ZNF512B: variants seen among roughly 807,000 people sequenced by gnomAD.
ZNF512B encodes the protein zinc finger protein 512B.
In ZNF512B, 22 loss-of-function variants were observed where a neutral mutation model predicts 87.8. That is an observed-to-expected ratio of 0.25 (90% CI 0.18 to 0.36). The LOEUF is 0.36. Ranked by LOEUF, ZNF512B falls within the 10% of genes least tolerant of loss-of-function variation. The pLI is 1.00. For missense variants in ZNF512B, 1,060 were observed against 1,231.6 expected (o/e 0.86, Z 2.09); for synonymous variants, 524 against 490.9 (o/e 1.07, Z -0.89).
Position 63,966,366 on chromosome 20 carries a change from A to G in ZNF512B, c.809T>C (p.Val270Ala). ...TACCGTAATGGGTTTGGTGACAGGT[A>G]CGGGTTTGGTGACCGGCACAGACTT... is the stretch of plus-strand genomic sequence containing the variant. ...VTKSVPVTKPVPVTKPITVTK... is the reference protein window; with the variant it reads ...VTKSVPVTKPAPVTKPITVTK... The change falls in exon 5 of 17, where the codon GTA becomes GCA. Residue 270 changes from valine (V) to alanine (A), a missense_variant. Around this residue, in one of 9 missense-constraint regions of ZNF512B, gnomAD observed 201 missense variants for 226.8 expected, o/e 0.89. Coordinates refer to ENST00000369888, the MANE Select transcript of ZNF512B (RefSeq NM_020713.3). The G allele has an allele frequency of 1.3e-6, 2 of 1,593,798 alleles. No homozygotes were observed. Among genetic ancestry groups the G allele is most frequent in the African/African-American group, 2.7e-5 (2 of 74,210 alleles).
intron 3 of ZNF512B, 135 bp from the exon 4 acceptor site, chr20:63,967,139 G>A: frequency 7.2e-7 from 1 of 1,394,380 alleles, no homozygotes; most frequent in Non-Finnish European, 9.7e-7. Context: ...GGACTGCAGT[G>A]GGAATTCAAG....
intron 12 of ZNF512B, 64 bp from the exon 13 acceptor site, chr20:63,962,845 G>A (rs908251189): frequency 1.8e-5 from 26 of 1,466,098 alleles, no homozygotes; most frequent in East Asian, 2.4e-5. Flanking sequence ...GTCAGCGCGC[G>A]GCGAGGCCAC....
chr20:63,962,167 G>T, intron 14 of ZNF512B, 106 bp downstream of exon 14: 2 of 1,345,368 alleles, frequency 1.5e-6, no homozygotes, highest in African/African-American at 1.4e-5. Context: ...GGGTGGGCTT[G>T]GGCACCTCCT....
rs1205241933 is a variant in ZNF512B, at chr20:63,956,718, T to A, written c.*3170A>T. 1 of 187,850 alleles carries A rather than the reference T, an allele frequency of 5.3e-6. No individual in the cohort carries two copies. The highest frequency in any genetic ancestry group is 6.2e-5 in the Admixed American group (1 of 16,192). The allele number at this position is 187,850 out of a possible 1,614,324, so 11.6% of individuals were successfully genotyped here. A position where few individuals can be genotyped will look rare whatever the true frequency, so the allele number is the denominator to read the frequency against. ...CACAAAAACCCTGGAAAAAAATCAA[T>A]AAACATTTATTTGATACAGTCATTT... is the stretch of plus-strand genomic sequence containing the variant. On this transcript the variant is annotated 3_prime_UTR_variant, in exon 17 of 17. Transcript: ENST00000369888.
In ZNF512B at chr20:63,963,836, G is replaced by T; in HGVS notation, c.1558C>A (p.Arg520=). The part of the protein sequence containing the change: ...AVCPTCNVVT[R]KTLVGLKKHM... ...TTCTTAAGCCCCACGAGAGTCTTCC[G>T]GGTGACCACGTTGCAGGTGGGGCAG... Residue 520 remains arginine, a synonymous_variant, in exon 9 of 17, where the codon CGG becomes AGG. Transcript: ENST00000369888. 6.2e-7 allele frequency: 1 copy of T among 1,612,806 alleles called. No individual in the cohort carries two copies. The highest frequency in any genetic ancestry group is 1.1e-5 in the South Asian group (1 of 91,080).
At position 63,963,791 on chromosome 20, in the gene ZNF512B, T is replaced by G. The variant is rs1384922630; in HGVS notation, c.1603A>C (p.Lys535Gln). Reference sequence around the variant, plus strand: ...GCGCCTTCCGGGAGCTGCCTTACCTTCTGACACACCTCCATGTGCTTCTTA... The same window carrying G: ...GCGCCTTCCGGGAGCTGCCTTACCTGCTGACACACCTCCATGTGCTTCTTA... Reference protein sequence around the residue: ...GLKKHMEVCQKLQDALKCQHC... With the variant: ...GLKKHMEVCQQLQDALKCQHC... The change falls in exon 9 of 17, where the codon AAG (lysine) becomes CAG (glutamine). Residue 535 changes from lysine (K) to glutamine (Q), a missense_variant and splice_region_variant. Around this residue, in one of 9 missense-constraint regions of ZNF512B, gnomAD observed 37 missense variants for 72.6 expected, o/e 0.51. Transcript: ENST00000369888. 2 of 1,612,810 alleles carry G rather than the reference T, an allele frequency of 1.2e-6. No individual in the cohort carries two copies. The highest frequency in any genetic ancestry group is 2.7e-5 in the African/African-American group (2 of 74,932).
At position 63,969,890 on chromosome 20, in the gene ZNF512B, G is replaced by C. The variant is rs912484667; in HGVS notation, c.-79C>G. On this transcript the variant is annotated 5_prime_UTR_variant, in exon 1 of 17. Coordinates refer to ENST00000369888, the MANE Select transcript of ZNF512B (RefSeq NM_020713.3). ...GCGCGGGGCGCGGGGCGCTGGGTCC[G>C]GGCGGCGCAGGCTGCGCGCCGCGCT... 2.7e-5 allele frequency: 4 copies of C among 146,260 alleles called. No individual in the cohort carries two copies. Among genetic ancestry groups the C allele is most frequent in the South Asian group, 2.1e-4 (1 of 4,844 alleles). 9.1% of individuals were successfully genotyped at this position (146,260 alleles called of 1,614,324 possible). A position where few individuals can be genotyped will look rare whatever the true frequency, so the allele number is the denominator to read the frequency against.
rs781353442 is a variant in ZNF512B at position 63,962,822 on chromosome 20, G to A, written c.1969-41C>T. The A allele has an allele frequency of 3.2e-6, 5 of 1,542,634 alleles. No individual in the cohort carries two copies. The South Asian group carries it at 4.8e-5, about 15-fold the overall frequency. ...GCATGGAGGCTAGAGTGAGCCGCGG[G>A]AGCAAGAGTCAGGTCAGCGCGCGGC... On this transcript the variant is annotated intron_variant, in intron 12 of 16. Transcript: ENST00000369888.
Position 63,957,850 on chromosome 20 carries a change from G to A in ZNF512B, c.*2038C>T, listed in dbSNP as rs1301979929. The A allele has an allele frequency of 7.7e-6, 1 of 129,996 alleles. No homozygotes were observed. Among genetic ancestry groups the A allele is most frequent in the African/African-American group, 3.0e-5 (1 of 33,232 alleles). The allele number at this position is 129,996 out of a possible 1,614,324, so 8.1% of individuals were successfully genotyped here. A position where few individuals can be genotyped will look rare whatever the true frequency, so the allele number is the denominator to read the frequency against. On this transcript the variant is annotated 3_prime_UTR_variant, in exon 17 of 17. Transcript: ENST00000369888. ...CTCCCCTCCCCTCCCCTCCCCTCATGAGGCTGCCCCAGCAGCAGCTGCCAG... is the reference window on the plus strand; with the variant it reads ...CTCCCCTCCCCTCCCCTCCCCTCATAAGGCTGCCCCAGCAGCAGCTGCCAG...
intron 16 of ZNF512B, among the ~76,000 whole-genome samples, chr20:63,960,633 C>A (rs1299251465): frequency 9.7e-5 from 11 of 113,464 alleles, no homozygotes; most frequent in South Asian, 9.4e-4. Context: ...AGGCACCTGC[C>A]GCAGGGCTGG....
chr20:63,962,700 G>A lies in ZNF512B; in HGVS notation c.2050C>T (p.Arg684Cys). Residue 684 changes from arginine (R) to cysteine (C), a missense_variant, in exon 13 of 17, where the codon CGC becomes TGC. Coordinates refer to ENST00000369888, the MANE Select transcript of ZNF512B (RefSeq NM_020713.3). ...AACACCGCCACCTGGGCCGACGTGC[G>A]GCGGACACGCCCGCTTGGGGTCCGC... Reference protein sequence around the residue: ...VERTPSGRVRRTSAQVAVFHL... With the variant: ...VERTPSGRVRCTSAQVAVFHL... 1 of 1,602,922 alleles carries A rather than the reference G, an allele frequency of 6.2e-7. No homozygotes were observed. The highest frequency in any genetic ancestry group is 8.5e-7 in the Non-Finnish European group (1 of 1,176,324).
At position 63,963,824 on chromosome 20, in the gene ZNF512B, CGA is replaced by C. The variant is rs2058887351; in HGVS notation, c.1568_1569del (p.Leu523ArgfsTer4). On this transcript the variant is annotated frameshift_variant, in exon 9 of 17. Transcript: ENST00000369888. LOFTEE classifies it high-confidence loss of function. ...PTCNVVTRKT[L>X]VGLKKHMEVC... Reference sequence around the variant, plus strand: ...ACCTCCATGTGCTTCTTAAGCCCCACGAGAGTCTTCCGGGTGACCACGTTGCA... The same window carrying C: ...ACCTCCATGTGCTTCTTAAGCCCCACGAGTCTTCCGGGTGACCACGTTGCA... The C allele has an allele frequency of 6.2e-7, 1 of 1,612,876 alleles. No individual in the cohort carries two copies. Among genetic ancestry groups the C allele is most frequent in the Non-Finnish European group, 8.5e-7 (1 of 1,179,960 alleles).
intron 14 of ZNF512B, 106 bp from the exon 15 acceptor site, chr20:63,962,110 G>C (rs774431514): frequency 1.4e-6 from 2 of 1,381,190 alleles, no homozygotes; most frequent in African/African-American, 2.9e-5. Flanking sequence ...GGGCAAGTGA[G>C]GGGGTGTGAG....
Position 63,961,938 on chromosome 20 carries a change from TG to T in ZNF512B, c.2328+3del. 1 of 1,551,004 alleles carries T rather than the reference TG, an allele frequency of 6.4e-7. No homozygotes were observed. Among genetic ancestry groups the T allele is most frequent in the African/African-American group, 1.4e-5 (1 of 73,170 alleles). On this transcript the variant is annotated splice_donor_region_variant and intron_variant, in intron 15 of 16. Transcript: ENST00000369888. This position sits in a 1 kb window ranked among gnomAD's most constrained non-coding sequence, Gnocchi z 6.4. ...CTGGCCGTGGGGCAGGCCCCAGAAC[TG>T]ACCTTACTGCAGCTGGCGAGATGAG...
chr20:63,960,909 A>G (rs112096201), intron 16 of ZNF512B, among the ~76,000 whole-genome samples: 13 of 136,842 alleles, frequency 9.5e-5, no homozygotes, highest in African/African-American at 2.5e-4. Context: ...CACAGCCTTC[A>G]GGACCAGGCA....
rs771926146 is a variant in ZNF512B, at chr20:63,960,082, C to T, written c.2485G>A (p.Val829Met). The change falls in exon 17 of 17, where the codon GTG becomes ATG. Residue 829 changes from valine to methionine, a missense_variant. This residue lies in a region of ZNF512B where 253 missense variants were observed against 259.2 expected (regional missense o/e 0.98). Coordinates refer to ENST00000369888, the MANE Select transcript of ZNF512B (RefSeq NM_020713.3). The part of the protein sequence containing the change: ...PPKHRSQDSL[V>M]PKKEKKKNLA... ...TTTTTCTTCTTTTCCTTCTTGGGCA[C>T]CAATGAGTCCTGGCTCCTGTGTTTG... is the stretch of plus-strand genomic sequence containing the variant. 3 of 1,614,000 alleles carry T rather than the reference C, an allele frequency of 1.9e-6. No individual in the cohort carries two copies. Among genetic ancestry groups the T allele is most frequent in the South Asian group, 1.1e-5 (1 of 91,090 alleles).
intron 16 of ZNF512B, among the ~76,000 whole-genome samples, chr20:63,960,915 A>G (rs2058843837): frequency 1.3e-5 from 2 of 148,232 alleles, no homozygotes; most frequent in Admixed American, 1.3e-4. Context: ...CTTCAGGACC[A>G]GGCAAGCACC....
In ZNF512B at chr20:63,961,278, C is replaced by T; in HGVS notation, c.2427+31G>A. 1 of 1,606,144 alleles carries T rather than the reference C, an allele frequency of 6.2e-7. No individual in the cohort carries two copies. The highest frequency in any genetic ancestry group is 8.5e-7 in the Non-Finnish European group (1 of 1,176,410). ...CCCTGTCCCCTCCTGGGCTAGCCCC[C>T]AGCCACAGGCCCTGGTGATGGCCCT... On this transcript the variant is annotated intron_variant, in intron 16 of 16. Transcript: ENST00000369888. The surrounding 1 kb of genome is among the most constrained non-coding windows in gnomAD (Gnocchi z 6.4).
chr20:63,962,398 T>C, intron 13 of ZNF512B, 24 bp from the exon 14 acceptor site: 1 of 1,601,744 alleles, frequency 6.2e-7, no homozygotes, highest in East Asian at 2.2e-5. Flanking sequence ...AGCACCAGGG[T>C]GAGCCTGAGG....
Sources: gnomAD v4.1 joint callset for allele counts (sites outside exome capture counted in the v4.1 genomes callset) on GRCh38, gnomAD v4.1.1 for gene constraint, gnomAD v4.1.1 regional missense constraint, Gnocchi (gnomAD v3.1) non-coding constraint, MANE v1.5 for transcripts, NCBI Gene and HGNC (gene_info 2026-07-23, HGNC 2026-07-21) for gene names.